RMDN2: variants seen among roughly 807,000 people sequenced by gnomAD.
RMDN2 encodes regulator of microtubule dynamics 2.
RMDN2 carries 61 observed loss-of-function variants against 52.8 expected under a neutral mutation model. The observed-to-expected ratio is 1.16, with a 90% CI of 0.94 to 1.43. RMDN2 has a LOEUF of 1.43. RMDN2 is among the 40% of genes most tolerant of loss of function. RMDN2 has a pLI of 0.00. For missense variants in RMDN2, 592 were observed against 475.3 expected (o/e 1.25, Z -2.28); for synonymous variants, 180 against 153.1 (o/e 1.18, Z -1.30).
chr2:37,955,834 A>G (rs1669384394), intron 2 of RMDN2, among the ~76,000 whole-genome samples: 1 of 152,128 alleles, frequency 6.6e-6, no homozygotes, highest in Non-Finnish European at 1.5e-5. Flanking sequence ...ATAAAAACAG[A>G]CTAATACAGG....
rs1041337524 is a variant in RMDN2, at chr2:38,054,147, C to T, written c.1714-12835C>T. ...CTTTGCCTGTGCACTTCTGCTTCCTCAAGTTGAATTCTGTTTATCTAGAAT... is the reference window on the plus strand; with the variant it reads ...CTTTGCCTGTGCACTTCTGCTTCCTTAAGTTGAATTCTGTTTATCTAGAAT... On this transcript the variant is annotated intron_variant, in intron 10 of 10. Transcript: ENST00000234195. Among the ~76,000 whole-genome samples the T allele has an allele frequency of 2.6e-5, 4 of 152,168 alleles. No homozygotes were observed. The East Asian group carries it at 7.7e-4, about 29-fold the overall frequency.
intron 10 of RMDN2, among the ~76,000 whole-genome samples, chr2:38,065,478 G>C (rs1349575496): frequency 1.3e-5 from 2 of 152,144 alleles, no homozygotes; most frequent in East Asian, 3.8e-4. Context: ...GGCTTCTACT[G>C]TATAACATTG....
chr2:37,996,683 G>A (rs1306847713), intron 7 of RMDN2, among the ~76,000 whole-genome samples: 1 of 151,744 alleles, frequency 6.6e-6, no homozygotes, highest in Non-Finnish European at 1.5e-5. Flanking sequence ...TATGGGGTTG[G>A]ACAAGCATCA....
chr2:37,986,275 T>C (rs1241788799), intron 5 of RMDN2, among the ~76,000 whole-genome samples: 1 of 152,156 alleles, frequency 6.6e-6, no homozygotes, highest in East Asian at 1.9e-4. Context: ...ATAATTTGAA[T>C]AGGCCTACTT....
chr2:37,972,992 A>G lies in RMDN2; in HGVS notation c.453-1048A>G, dbSNP rs184872758. ...TTTGTTAGTTTTTTTGTTTGTTTCT[A>G]TCTAACGGGAGCTGCAAGTTGTGAA... On this transcript the variant is annotated intron_variant, in intron 2 of 10. Coordinates refer to ENST00000354545, the MANE Select transcript of RMDN2 (RefSeq NM_001170791.3). 1.9e-4 allele frequency among the ~76,000 whole-genome samples: 29 copies of G among 152,344 alleles called. No individual in the cohort carries two copies. The East Asian group carries it at 4.6e-3, about 24-fold the overall frequency.
intron 7 of RMDN2, among the ~76,000 whole-genome samples, chr2:37,993,516 G>GA (rs1244801442): frequency 0.019 from 2,406 of 123,432 alleles, 41 homozygotes; most frequent in African/African-American, 0.049. Context: ...AGAACCTACA[G>GA]AAAAAAAAAA....
At chr2:38,054,078 A>G (rs898079954) in intron 10 of RMDN2, among the ~76,000 whole-genome samples, 4 of 152,228 alleles carry the variant, frequency 2.6e-5, no homozygotes, top group African/African-American at 9.6e-5. Context: ...ATACTAGTAG[A>G]TGCCCCACAC....
chr2:37,940,799 T>A (rs1667718093), intron 2 of RMDN2, among the ~76,000 whole-genome samples: 1 of 152,208 alleles, frequency 6.6e-6, no homozygotes, highest in South Asian at 2.1e-4. Context: ...TCTAACCTTT[T>A]ATCAAGGTTC....
chr2:38,008,861 T>C (rs1411448645), intron 10 of RMDN2, among the ~76,000 whole-genome samples: 1 of 152,222 alleles, frequency 6.6e-6, no homozygotes, highest in Non-Finnish European at 1.5e-5. Context: ...CCTTTCCATG[T>C]TGAGTGCTTC....
chr2:38,018,231 T>A (rs149836008), downstream of RMDN2, among the ~76,000 whole-genome samples: 32 of 152,348 alleles, frequency 2.1e-4, 1 homozygote, highest in East Asian at 6.2e-3. Flanking sequence ...TCGGAAAGCA[T>A]TCAATGCTAG....
intron 2 of RMDN2, among the ~76,000 whole-genome samples, chr2:37,955,060 G>C (rs1669281772): frequency 6.6e-6 from 1 of 151,934 alleles, no homozygotes; most frequent in Non-Finnish European, 1.5e-5. Flanking sequence ...CTGCAATTTT[G>C]CTGAATTTTA....
At chr2:38,044,878 C>T (rs187036873) in intron 10 of RMDN2, among the ~76,000 whole-genome samples, 1 of 152,064 alleles carries the variant, frequency 6.6e-6, no homozygotes, top group East Asian at 1.9e-4. Context: ...GGAGTAATGC[C>T]CAAGTAAAAC....
In RMDN2 at chr2:37,974,211, A is replaced by G. The variant is rs759499701; in HGVS notation, c.624A>G (p.Glu208=). 3.1e-6 allele frequency: 5 copies of G among 1,609,774 alleles called. No individual in the cohort carries two copies. In the South Asian group the frequency reaches 5.5e-5, roughly 18 times the overall value. Residue 208 remains glutamate (E), a synonymous_variant, in exon 3 of 11, where the codon GAA becomes GAG. Transcript: ENST00000354545. ...ESFELLRDHK[E]KFRDEIEFMW... is the part of the protein sequence containing the mutation. ...TTGAACTACTTCGTGACCACAAAGA[A>G]AAGGTAAGAGACATAACAATAGCAC...
chr2:38,066,365 A>G (rs1442766181), intron 10 of RMDN2, among the ~76,000 whole-genome samples: 1 of 152,242 alleles, frequency 6.6e-6, no homozygotes, highest in African/African-American at 2.4e-5. Context: ...GTCCATACCT[A>G]TGTAAACTAG....
chr2:37,956,269 C>T (rs774038651), intron 2 of RMDN2, among the ~76,000 whole-genome samples: 19 of 152,252 alleles, frequency 1.2e-4, no homozygotes, highest in Middle Eastern at 3.4e-3. Flanking sequence ...ATTCCTGATT[C>T]AGACTTAGTA....
chr2:37,961,755 TGGA>T (rs2125017132), intron 2 of RMDN2, among the ~76,000 whole-genome samples: 1 of 152,230 alleles, frequency 6.6e-6, no homozygotes, highest in East Asian at 1.9e-4. Context: ...TGTGATCCTT[TGGA>T]GGAGAAGAGG....
intron 2 of RMDN2, among the ~76,000 whole-genome samples, chr2:37,933,824 A>G (rs1667065655): frequency 7.1e-6 from 1 of 141,494 alleles, no homozygotes; most frequent in Admixed American, 6.8e-5. Context: ...AGTACAAAAA[A>G]ATTTAGATGT....
rs74981209 is a variant in RMDN2, at chr2:38,039,961, T to C, written c.1714-27021T>C. ...GTTTTCTCCTGTTTTCTTCTAGAAG[T>C]TGTATAGTTTTGAATTTTACATTTA... is the stretch of plus-strand genomic sequence containing the variant. On this transcript the variant is annotated intron_variant, in intron 10 of 10. Transcript: ENST00000234195. 4.0e-4 allele frequency among the ~76,000 whole-genome samples: 61 copies of C among 152,224 alleles called. No homozygotes were observed. The East Asian group carries it at 9.4e-3, about 24-fold the overall frequency.
chr2:38,006,140 G>A (rs1677052697), intron 10 of RMDN2, among the ~76,000 whole-genome samples: 2 of 152,180 alleles, frequency 1.3e-5, no homozygotes, highest in Admixed American at 1.3e-4. Context: ...GTAGCATGAT[G>A]CCTCCAGCTT....
Sources: allele counts gnomAD v4.1 joint callset (sites outside exome capture counted in the v4.1 genomes callset), GRCh38; gene constraint gnomAD v4.1.1; transcripts MANE v1.5; gene names NCBI Gene and HGNC (gene_info 2026-07-23, HGNC 2026-07-21).